Variants in RGMB observed in about 807,000 individuals in gnomAD.
The protein encoded by RGMB is repulsive guidance molecule BMP co-receptor b.
In RGMB, 16 loss-of-function variants were observed where a neutral mutation model predicts 26.9. The observed-to-expected ratio is 0.60, with a 90% CI of 0.40 to 0.90. RGMB has a LOEUF of 0.90. Among genes scored for constraint, RGMB ranks in the 40% least tolerant of loss-of-function variants. The pLI, the probability that RGMB is intolerant of heterozygous loss-of-function variation, is 0.00. For missense variants in RGMB, 512 were observed against 573.3 expected (o/e 0.89, Z 1.09); for synonymous variants, 225 against 229.3 (o/e 0.98, Z 0.17).
chr5:98,771,254 G>A (rs1015543868), upstream of RGMB: 8 of 152,218 alleles, frequency 5.3e-5, no homozygotes, highest in African/African-American at 1.9e-4. Flanking sequence ...AATTACACAA[G>A]TCATCAGCCA....
chr5:98,795,285 GAAAT>G lies in RGMB; in HGVS notation c.*1536_*1539del, dbSNP rs1422599995. 6.6e-6 allele frequency: 1 copy of G among 152,182 alleles called. No individual in the cohort carries two copies. Among genetic ancestry groups the G allele is most frequent in the African/African-American group, 2.4e-5 (1 of 41,414 alleles). The allele number at this position is 152,182 out of a possible 1,614,324, so 9.4% of individuals were successfully genotyped here. A position where few individuals can be genotyped will look rare whatever the true frequency, so the allele number is the denominator to read the frequency against. ...ATTTGTTGATAAGTTTACATAAACAGAAATAAAAGATACTATCTTTACCGTAGTA... is the reference window on the plus strand; with the variant it reads ...ATTTGTTGATAAGTTTACATAAACAGAAAAGATACTATCTTTACCGTAGTA... On this transcript the variant is annotated 3_prime_UTR_variant, in exon 3 of 3. Coordinates refer to ENST00000513185, the MANE Select transcript of RGMB (RefSeq NM_001366508.1).
At chr5:98,792,550 G>A (rs913822451) in intron 2 of RGMB, among the ~76,000 whole-genome samples, 6 of 151,782 alleles carry the variant, frequency 4.0e-5, no homozygotes, top group African/African-American at 9.7e-5. Flanking sequence ...CCTGGGCAAC[G>A]TAGTGAGGAA....
At position 98,773,773 on chromosome 5, in the gene RGMB, G is replaced by A. The variant is rs1746267463; in HGVS notation, c.-298G>A. The A allele has an allele frequency of 1.3e-5, 5 of 394,354 alleles. No homozygotes were observed. The highest frequency in any genetic ancestry group is 1.8e-5 in the Non-Finnish European group (4 of 223,584). 24.4% of individuals were successfully genotyped at this position (394,354 alleles called of 1,614,324 possible). A position where few individuals can be genotyped will look rare whatever the true frequency, so the allele number is the denominator to read the frequency against. ...GGGGCCGGGGTGCCGGCGCGCTCGG[G>A]ACTCGTCTCAGCAGTCGCTCACGGT... On this transcript the variant is annotated 5_prime_UTR_variant, in exon 1 of 3. Transcript: ENST00000513185.
intron 2 of RGMB, among the ~76,000 whole-genome samples, chr5:98,790,915 T>G (rs929855880): frequency 2.0e-5 from 3 of 152,248 alleles, no homozygotes; most frequent in Non-Finnish European, 4.4e-5. Context: ...CCATCTGTAT[T>G]GTTGACTTTC....
At chr5:98,776,172 A>AT (rs1746393966) in intron 1 of RGMB, among the ~76,000 whole-genome samples, 1 of 152,200 alleles carries the variant, frequency 6.6e-6, no homozygotes, top group Non-Finnish European at 1.5e-5. Flanking sequence ...TTTATGTCTG[A>AT]TTCATTCAAA....
At chr5:98,769,823 G>A (rs1580259520), upstream of RGMB, 1 of 152,282 alleles carries the variant, frequency 6.6e-6, no homozygotes. Flanking sequence ...TACAGATCTA[G>A]GACCACATTT....
At chr5:98,776,338 A>G (rs888316182) in intron 1 of RGMB, among the ~76,000 whole-genome samples, 1 of 152,258 alleles carries the variant, frequency 6.6e-6, no homozygotes, top group African/African-American at 2.4e-5. Flanking sequence ...TGAAAAGAGT[A>G]TGAAAAGAGT....
chr5:98,770,444 C>T, upstream of RGMB: 1 of 414,242 alleles, frequency 2.4e-6, no homozygotes, highest in Non-Finnish European at 4.4e-6. Context: ...TTTGCACCTG[C>T]CGTTTTGAGC....
chr5:98,774,046 G>C lies in RGMB; in HGVS notation c.-25G>C, dbSNP rs1481393224. 2 of 800,266 alleles carry C rather than the reference G, an allele frequency of 2.5e-6. No individual in the cohort carries two copies. Among genetic ancestry groups the C allele is most frequent in the Non-Finnish European group, 4.0e-6 (2 of 504,812 alleles). 49.6% of individuals were successfully genotyped at this position (800,266 alleles called of 1,614,324 possible). On this transcript the variant is annotated 5_prime_UTR_variant, in exon 1 of 3. Coordinates refer to ENST00000513185, the MANE Select transcript of RGMB (RefSeq NM_001366508.1). ...CGCCCGCGCCGCCGCCCTCGCCGGA[G>C]CCCACGAGACCTGCATGGACGGGCA...
rs1747007180 is a variant in RGMB, at chr5:98,793,456, C to T, written c.1017C>T (p.Arg339=). The change falls in exon 3 of 3, where the codon CGC becomes CGT. Residue 339 remains arginine, a synonymous_variant. Transcript: ENST00000513185. ...CCATCCTGGGACACAGCCTGCCTCGCACCTCCTTGGTGCAGGCCTGGCCTG... is the reference window on the plus strand; with the variant it reads ...CCATCCTGGGACACAGCCTGCCTCGTACCTCCTTGGTGCAGGCCTGGCCTG... ...VSAILGHSLP[R]TSLVQAWPGY... is the part of the protein sequence containing the mutation. 1.2e-6 allele frequency: 2 copies of T among 1,612,764 alleles called. No individual in the cohort carries two copies. Among genetic ancestry groups the T allele is most frequent in the African/African-American group, 1.3e-5 (1 of 75,040 alleles).
In RGMB at chr5:98,795,299, T is replaced by C. The variant is rs1747081603; in HGVS notation, c.*1546T>C. ...TTACATAAACAGAAATAAAAGATAC[T>C]ATCTTTACCGTAGTAGTTCAGGCCA... On this transcript the variant is annotated 3_prime_UTR_variant, in exon 3 of 3. Transcript: ENST00000513185. 1 of 152,236 alleles carries C rather than the reference T, an allele frequency of 6.6e-6. No individual in the cohort carries two copies. Among genetic ancestry groups the C allele is most frequent in the Non-Finnish European group, 1.5e-5 (1 of 68,038 alleles). 9.4% of individuals were successfully genotyped at this position (152,236 alleles called of 1,614,324 possible).
chr5:98,774,299 A>C, intron 1 of RGMB, 93 bp downstream of exon 1: 1 of 1,260,054 alleles, frequency 7.9e-7, no homozygotes, highest in Non-Finnish European at 1.0e-6. Flanking sequence ...CCGGGGCGGA[A>C]GGGCGGCGTG....
chr5:98,792,275 T>G (rs1580296446), intron 2 of RGMB, among the ~76,000 whole-genome samples: 1 of 152,232 alleles, frequency 6.6e-6, no homozygotes, highest in South Asian at 2.1e-4. Flanking sequence ...TTTTTAATCC[T>G]ATGAAGAATC....
intron 1 of RGMB, among the ~76,000 whole-genome samples, chr5:98,775,009 A>T (rs891611745): frequency 1.3e-5 from 2 of 151,984 alleles, no homozygotes; most frequent in African/African-American, 4.8e-5. Context: ...TCTTCACACT[A>T]TTTTTTTCTA....
At position 98,796,421 on chromosome 5, in the gene RGMB, A is replaced by T. The variant is rs1457985981; in HGVS notation, c.*2668A>T. On this transcript the variant is annotated 3_prime_UTR_variant, in exon 3 of 3. Coordinates refer to ENST00000513185, the MANE Select transcript of RGMB (RefSeq NM_001366508.1). ...ATATATGAATACGTATCTGTGTAAA[A>T]CAGTGAGTGTGCAGTGTGTAAATAC... is the stretch of plus-strand genomic sequence containing the variant. 3 of 150,270 alleles carry T rather than the reference A, an allele frequency of 2.0e-5. No homozygotes were observed. The highest frequency in any genetic ancestry group is 7.4e-5 in the African/African-American group (3 of 40,782). 9.3% of individuals were successfully genotyped at this position (150,270 alleles called of 1,614,324 possible).
chr5:98,783,584 C>G (rs1301654209), intron 2 of RGMB, among the ~76,000 whole-genome samples: 2 of 152,182 alleles, frequency 1.3e-5, no homozygotes, highest in African/African-American at 4.8e-5. Flanking sequence ...TTTTTGCCAA[C>G]CTCTCAGTCT....
At position 98,795,474 on chromosome 5, in the gene RGMB, A is replaced by C. The variant is rs1461969881; in HGVS notation, c.*1721A>C. The C allele has an allele frequency of 1.4e-4, 21 of 152,222 alleles. No homozygotes were observed. The highest frequency in any genetic ancestry group is 1.4e-3 in the Admixed American group (21 of 15,282). The allele number at this position is 152,222 out of a possible 1,614,324, so 9.4% of individuals were successfully genotyped here. ...GCGAACTGATGTGCCACCCAGTCAC[A>C]GAGTGGAGTTGTGAATTCATGTAGA... On this transcript the variant is annotated 3_prime_UTR_variant, in exon 3 of 3. Coordinates refer to ENST00000513185, the MANE Select transcript of RGMB (RefSeq NM_001366508.1).
chr5:98,781,960 C>T (rs1257683761), intron 2 of RGMB, among the ~76,000 whole-genome samples: 2 of 152,222 alleles, frequency 1.3e-5, no homozygotes, highest in African/African-American at 2.4e-5. Context: ...TTTTCTCCCT[C>T]AGTTTGGAAT....
chr5:98,779,664 T>C lies in RGMB; in HGVS notation c.221T>C (p.Val74Ala). 6.3e-7 allele frequency: 1 copy of C among 1,575,840 alleles called. No individual in the cohort carries two copies. Among genetic ancestry groups the C allele is most frequent in the Non-Finnish European group, 8.6e-7 (1 of 1,158,134 alleles). ...VSLTSHLNSA[V>A]DGFDSEFCKA... Reference sequence around the variant, plus strand: ...CTGACTTCTCACCTGAACTCTGCCGTTGACGGCTTTGACTCTGAGTTTTGC... The same window carrying C: ...CTGACTTCTCACCTGAACTCTGCCGCTGACGGCTTTGACTCTGAGTTTTGC... The change falls in exon 2 of 3, where the codon GTT (valine) becomes GCT (alanine). Residue 74 changes from valine to alanine, a missense_variant. Coordinates refer to ENST00000513185, the MANE Select transcript of RGMB (RefSeq NM_001366508.1).
Sources: gnomAD v4.1 joint callset for allele counts (sites outside exome capture counted in the v4.1 genomes callset) on GRCh38, gnomAD v4.1.1 for gene constraint, MANE v1.5 for transcripts, NCBI Gene and HGNC (gene_info 2026-07-23, HGNC 2026-07-21) for gene names.